The following ROBO2 variants were observed in gnomAD, a reference collection of about 807,000 sequenced individuals.
The protein encoded by ROBO2 is roundabout homolog 2.
A neutral mutation model predicts 160.8 loss-of-function variants in ROBO2; 53 were observed. The observed-to-expected ratio is 0.33, with a 90% CI of 0.26 to 0.41. ROBO2 has a LOEUF of 0.41. ROBO2 is among the 10% of genes least tolerant of loss of function. The pLI is 1.00. For missense variants in ROBO2, 1,577 were observed against 1,722.4 expected, an observed-to-expected ratio of 0.92 and a Z score of 1.49; for synonymous variants, 664 against 611.7, an observed-to-expected ratio of 1.09 and a Z score of -1.26.
At chr3:76,577,267 A>C (rs966667968) in intron 2 of ROBO2, among the ~76,000 whole-genome samples, 1 of 152,142 alleles carries the variant, frequency 6.6e-6, no homozygotes, top group Non-Finnish European at 1.5e-5. Context: ...ATTGCCTCAA[A>C]AATCTATCAG....
chr3:76,070,146 G>A (rs2068397346), intron 2 of ROBO2, among the ~76,000 whole-genome samples: 1 of 152,166 alleles, frequency 6.6e-6, no homozygotes, highest in Non-Finnish European at 1.5e-5. Flanking sequence ...AAAAGAACAA[G>A]GCGACAGCAG....
chr3:76,016,352 A>T (rs1008423302), intron 2 of ROBO2, among the ~76,000 whole-genome samples: 1 of 151,976 alleles, frequency 6.6e-6, no homozygotes, highest in African/African-American at 2.4e-5. Flanking sequence ...AAGTCTTTAT[A>T]CTAAAATAAT....
At chr3:76,684,353 G>A (rs1212095815) in intron 2 of ROBO2, among the ~76,000 whole-genome samples, 1 of 152,108 alleles carries the variant, frequency 6.6e-6, no homozygotes, top group Non-Finnish European at 1.5e-5. Context: ...CAGTTTGACT[G>A]TCTAAAGCTG....
chr3:77,629,459 T>C (rs934944358), intron 23 of ROBO2: 7 of 152,026 alleles, frequency 4.6e-5, no homozygotes, highest in Non-Finnish European at 7.4e-5. Context: ...CTGGTTATAG[T>C]GGAAAAAGAA....
chr3:77,061,681 C>T (rs1292870047), intron 1 of ROBO2, among the ~76,000 whole-genome samples: 1 of 152,136 alleles, frequency 6.6e-6, no homozygotes, highest in Non-Finnish European at 1.5e-5. Context: ...CAAATGGGGA[C>T]TTATCACCAT....
chr3:76,005,603 A>G (rs1170209820), intron 2 of ROBO2, among the ~76,000 whole-genome samples: 1 of 152,236 alleles, frequency 6.6e-6, no homozygotes, highest in Non-Finnish European at 1.5e-5. Flanking sequence ...CTTGACCTAC[A>G]GAATCTGTGC....
chr3:76,911,302 G>A (rs1048674102), intron 2 of ROBO2, among the ~76,000 whole-genome samples: 1 of 152,090 alleles, frequency 6.6e-6, no homozygotes, highest in African/African-American at 2.4e-5. Context: ...TGATTTATTT[G>A]AGTTTCTGAG....
chr3:76,263,394 T>G (rs1217761576), intron 2 of ROBO2, among the ~76,000 whole-genome samples: 1 of 151,990 alleles, frequency 6.6e-6, no homozygotes, highest in Non-Finnish European at 1.5e-5. Context: ...ACCTAGCTAA[T>G]TAAAAAAATG....
intron 2 of ROBO2, among the ~76,000 whole-genome samples, chr3:76,051,425 G>A (rs2067649917): frequency 6.6e-6 from 1 of 152,006 alleles, no homozygotes; most frequent in African/African-American, 2.4e-5. Context: ...TATTACACAT[G>A]GACTATATTA....
chr3:75,942,349 G>A (rs1290946708), intron 2 of ROBO2, among the ~76,000 whole-genome samples: 6 of 152,126 alleles, frequency 3.9e-5, no homozygotes, highest in Non-Finnish European at 8.8e-5. Context: ...AATATTGAAT[G>A]TGTATTCCAA....
chr3:77,477,037 A>G (rs981075911), intron 2 of ROBO2, among the ~76,000 whole-genome samples: 3 of 151,798 alleles, frequency 2.0e-5, no homozygotes, highest in Non-Finnish European at 4.4e-5. Flanking sequence ...ACATGCATAT[A>G]TATATGCGTG....
chr3:77,261,750 CA>C (rs1364371126), intron 2 of ROBO2, among the ~76,000 whole-genome samples: 10 of 149,298 alleles, frequency 6.7e-5, no homozygotes. Flanking sequence ...GCTTTGTTGC[CA>C]AAGGATTTCT....
intron 2 of ROBO2, among the ~76,000 whole-genome samples, chr3:76,351,414 C>T (rs937123737): frequency 1.3e-5 from 2 of 151,862 alleles, no homozygotes; most frequent in Non-Finnish European, 2.9e-5. Flanking sequence ...TCAAACCTAA[C>T]AGAACATCAG....
At chr3:76,726,994 G>C (rs2093562515) in intron 2 of ROBO2, among the ~76,000 whole-genome samples, 1 of 152,168 alleles carries the variant, frequency 6.6e-6, no homozygotes, top group Non-Finnish European at 1.5e-5. Flanking sequence ...TGGAACTGAT[G>C]TTCCCAATGA....
chr3:77,487,365 C>A (rs530806751), intron 4 of ROBO2, among the ~76,000 whole-genome samples: 1 of 152,178 alleles, frequency 6.6e-6, no homozygotes, highest in South Asian at 2.1e-4. Context: ...ATGTTATCAG[C>A]AATAACATGA....
intron 2 of ROBO2, among the ~76,000 whole-genome samples, chr3:76,860,440 A>G (rs1255154813): frequency 1.3e-5 from 2 of 152,202 alleles, no homozygotes; most frequent in Non-Finnish European, 2.9e-5. Context: ...CTTCATGACA[A>G]TTATCTCCAA....
intron 2 of ROBO2, among the ~76,000 whole-genome samples, chr3:77,437,005 T>G (rs1335920313): frequency 6.6e-6 from 1 of 152,030 alleles, no homozygotes. Flanking sequence ...TTTCTACTTT[T>G]GCATTTCTTC....
chr3:76,521,053 T>C (rs1490609092), intron 2 of ROBO2, among the ~76,000 whole-genome samples: 1 of 146,400 alleles, frequency 6.8e-6, no homozygotes, highest in East Asian at 2.0e-4. Context: ...TTCTTTTTTT[T>C]TTTTTTTTTT....
chr3:77,028,753 C>T (rs1310761505), intron 2 of ROBO2, among the ~76,000 whole-genome samples: 1 of 152,194 alleles, frequency 6.6e-6, no homozygotes, highest in East Asian at 1.9e-4. Context: ...TCTCATTTAC[C>T]TTTTTCCTGG....
Sources: allele counts gnomAD v4.1 joint callset (sites outside exome capture counted in the v4.1 genomes callset), GRCh38; gene constraint gnomAD v4.1.1; transcripts MANE v1.5; gene names NCBI Gene and HGNC (gene_info 2026-07-23, HGNC 2026-07-21).